The following MATN1 variants were observed in gnomAD, a reference collection of about 807,000 sequenced individuals.
MATN1 encodes the protein matrilin 1.
In MATN1, 34 loss-of-function variants were observed where a neutral mutation model predicts 41.3. The observed-to-expected ratio is 0.82, with a 90% CI of 0.63 to 1.10. The LOEUF (loss-of-function observed/expected upper bound fraction) is 1.10. Among genes scored for constraint, MATN1 ranks in the 50% least tolerant of loss-of-function variants. The pLI is 0.00. For synonymous variants in MATN1, 264 were observed against 278.7 expected, an observed-to-expected ratio of 0.95 and a Z score of 0.53; for missense variants, 602 against 662.4, an observed-to-expected ratio of 0.91 and a Z score of 1.00.
intron 2 of MATN1, chr1:30,721,047 G>C (rs987932300): frequency 3.9e-6 from 1 of 257,594 alleles, no homozygotes; most frequent in Non-Finnish European, 7.6e-6. Context: ...GTGGAGCAGG[G>C]CGTGAACCCA....
At position 30,721,756 on chromosome 1, in the gene MATN1, G is replaced by A. The variant is rs760125020; in HGVS notation, c.95-5C>T. On this transcript the variant is annotated splice_polypyrimidine_tract_variant and splice_region_variant and intron_variant, in intron 1 of 7. Coordinates refer to ENST00000373765, the MANE Select transcript of MATN1 (RefSeq NM_002379.3). ...GCCGCGTCCGGCAGAGATGGCCTGG[G>A]AGTGGGGCAGGAGGGGTAAGGCAGA... 1 of 1,604,154 alleles carries A rather than the reference G, an allele frequency of 6.2e-7. No homozygotes were observed. The highest frequency in any genetic ancestry group is 2.2e-5 in the East Asian group (1 of 44,830).
intron 4 of MATN1, 61 bp downstream of exon 4, chr1:30,716,729 G>T: frequency 1.3e-6 from 2 of 1,590,380 alleles, no homozygotes; most frequent in Non-Finnish European, 8.6e-7. Flanking sequence ...GTTTCCTGGG[G>T]AGGCCCCATC....
At chr1:30,721,344 C>T (rs1167642544) in intron 2 of MATN1, 61 bp downstream of exon 2, 4 of 1,478,340 alleles carry the variant, frequency 2.7e-6, no homozygotes, top group African/African-American at 2.8e-5. Flanking sequence ...GCAGGCAAAG[C>T]TCATAACTCC....
rs1368151496 is a variant in MATN1, at chr1:30,716,031, A to G, written c.1085T>C (p.Ile362Thr). Reference protein sequence around the residue: ...TMTGAALKYLIDNSFTVSSGA... With the variant: ...TMTGAALKYLTDNSFTVSSGA... ...ACTGGACACAGTGAAGGAATTGTCA[A>G]TGAGGTACTTGAGAGCAGCCCCAGT... Residue 362 changes from isoleucine (I) to threonine (T), a missense_variant, in exon 5 of 8, where the codon ATT becomes ACT. Transcript: ENST00000373765. The G allele has an allele frequency of 7.4e-6, 12 of 1,614,118 alleles. No homozygotes were observed. Among genetic ancestry groups the G allele is most frequent in the African/African-American group, 1.3e-5 (1 of 74,934 alleles).
At chr1:30,719,703 C>T (rs1323553985) in intron 2 of MATN1, 1 of 153,172 alleles carries the variant, frequency 6.5e-6, no homozygotes, top group Non-Finnish European at 1.5e-5. Flanking sequence ...CCTGTCTGCA[C>T]CCGCCCTGAG....
chr1:30,723,325 C>T (rs1278406887), intron 1 of MATN1, 133 bp downstream of exon 1: 2 of 627,610 alleles, frequency 3.2e-6, no homozygotes. Context: ...CAGCCCACTG[C>T]CCACCACTGC....
chr1:30,711,594 G>A lies in MATN1; in HGVS notation c.*1988C>T, dbSNP rs1381011461. The A allele has an allele frequency of 2.0e-5, 3 of 152,194 alleles. No individual in the cohort carries two copies. The highest frequency in any genetic ancestry group is 4.8e-5 in the African/African-American group (2 of 41,414). The allele number at this position is 152,194 out of a possible 1,614,324, so 9.4% of individuals were successfully genotyped here. On this transcript the variant is annotated 3_prime_UTR_variant, in exon 8 of 8. Transcript: ENST00000373765. Reference sequence around the variant, plus strand: ...AGGTCCTGCCACTACTCCACCCACCGGGCAGGGAAGAACGAGGTCCTATTC... The same window carrying A: ...AGGTCCTGCCACTACTCCACCCACCAGGCAGGGAAGAACGAGGTCCTATTC...
At chr1:30,714,603 G>A (rs974709636) in intron 6 of MATN1, among the ~76,000 whole-genome samples, 1 of 152,150 alleles carries the variant, frequency 6.6e-6, no homozygotes, top group African/African-American at 2.4e-5. Context: ...CACTAGTAGG[G>A]GCCCCTATGT....
In MATN1 at chr1:30,715,995, G is replaced by T. The variant is rs748772514; in HGVS notation, c.1121C>A (p.Pro374His). ...NSFTVSSGAR[P>H]GAQKVGIVFT... ...GACAATGCCCACCTTCTGGGCCCCG[G>T]GCCTAGCCCCACTGGACACAGTGAA... The change falls in exon 5 of 8, where the codon CCC becomes CAC. Residue 374 changes from proline (P) to histidine (H), a missense_variant. Coordinates refer to ENST00000373765, the MANE Select transcript of MATN1 (RefSeq NM_002379.3). The T allele has an allele frequency of 6.8e-6, 11 of 1,614,070 alleles. No individual in the cohort carries two copies. The highest frequency in any genetic ancestry group is 2.7e-5 in the African/African-American group (2 of 74,912).
At chr1:30,717,136 T>G (rs1198811150) in intron 3 of MATN1, among the ~76,000 whole-genome samples, 1 of 152,206 alleles carries the variant, frequency 6.6e-6, no homozygotes, top group South Asian at 2.1e-4. Flanking sequence ...ATGATAAGAA[T>G]GAAAAGTCTC....
intron 1 of MATN1, 135 bp downstream of exon 1, chr1:30,723,323 T>C: frequency 1.6e-6 from 1 of 613,318 alleles, no homozygotes; most frequent in Non-Finnish European, 2.6e-6. Flanking sequence ...ACCAGCCCAC[T>C]GCCCACCACT....
intron 2 of MATN1, chr1:30,720,494 T>G (rs1639682784): frequency 6.6e-6 from 1 of 152,356 alleles, no homozygotes; most frequent in Non-Finnish European, 1.5e-5. Flanking sequence ...AGCAAGTTGC[T>G]TAAGCTTCTT....
In MATN1 at chr1:30,712,881, G is replaced by A. The variant is rs1197574672; in HGVS notation, c.*701C>T. The A allele has an allele frequency of 5.3e-5, 8 of 152,292 alleles. No individual in the cohort carries two copies. The highest frequency in any genetic ancestry group is 8.8e-5 in the Non-Finnish European group (6 of 68,114). 9.4% of individuals were successfully genotyped at this position (152,292 alleles called of 1,614,324 possible). ...CTGTCTCTCAGCGACCCACTGCTGAGCAAGTCATTTCATCATTTAGACTCT... is the reference window on the plus strand; with the variant it reads ...CTGTCTCTCAGCGACCCACTGCTGAACAAGTCATTTCATCATTTAGACTCT... On this transcript the variant is annotated 3_prime_UTR_variant, in exon 8 of 8. Coordinates refer to ENST00000373765, the MANE Select transcript of MATN1 (RefSeq NM_002379.3).
chr1:30,715,640 C>T (rs551545418), intron 5 of MATN1, among the ~76,000 whole-genome samples: 4 of 152,312 alleles, frequency 2.6e-5, no homozygotes, highest in African/African-American at 9.6e-5. Flanking sequence ...GAGTTGCCTT[C>T]CAATAGTTGA....
intron 2 of MATN1, 73 bp from the exon 3 acceptor site, chr1:30,719,030 C>T: frequency 8.5e-7 from 1 of 1,179,842 alleles, no homozygotes; most frequent in Non-Finnish European, 1.1e-6. Flanking sequence ...GAGGCTGAGG[C>T]CCGGAGAGGC....
chr1:30,722,274 C>T (rs896869461), intron 1 of MATN1, among the ~76,000 whole-genome samples: 1 of 152,278 alleles, frequency 6.6e-6, no homozygotes, highest in Non-Finnish European at 1.5e-5. Flanking sequence ...AACATGGCCT[C>T]TTTCATCTGA....
intron 6 of MATN1, 44 bp downstream of exon 6, chr1:30,715,113 C>T (rs1451954030): frequency 2.5e-6 from 4 of 1,605,794 alleles, no homozygotes; most frequent in Admixed American, 1.7e-5. Flanking sequence ...CTCCACAGTG[C>T]CCCACCTGCA....
intron 5 of MATN1, 140 bp from the exon 6 acceptor site, chr1:30,715,449 A>T: frequency 1.4e-6 from 1 of 735,474 alleles, no homozygotes; most frequent in Non-Finnish European, 2.3e-6. Context: ...AATGCCTGGA[A>T]CAAGGACAAT....
chr1:30,714,368 G>A, intron 6 of MATN1, 41 bp from the exon 7 acceptor site: 1 of 1,524,142 alleles, frequency 6.6e-7, no homozygotes, highest in Non-Finnish European at 9.0e-7. Flanking sequence ...AGGAACTGTT[G>A]AGTGGCTGCC....
Sources: gnomAD v4.1 joint callset for allele counts (sites outside exome capture counted in the v4.1 genomes callset) on GRCh38, gnomAD v4.1.1 for gene constraint, MANE v1.5 for transcripts, NCBI Gene and HGNC (gene_info 2026-07-23, HGNC 2026-07-21) for gene names.